ZNF215: variants seen among roughly 807,000 people sequenced by gnomAD.
ZNF215 encodes zinc finger protein 215.
A neutral mutation model predicts 27.2 loss-of-function variants in ZNF215; 24 were observed. That is an observed-to-expected ratio of 0.88 (90% CI 0.64 to 1.24). ZNF215 has a LOEUF of 1.24. Among genes scored for constraint, ZNF215 ranks in the 50% most tolerant of loss-of-function variants. The pLI is 0.00. For missense variants in ZNF215, 675 were observed against 605.7 expected (o/e 1.11, Z -1.20); for synonymous variants, 210 against 204.0 (o/e 1.03, Z -0.25).
intron 5 of ZNF215, among the ~76,000 whole-genome samples, chr11:6,963,934 C>T (rs184188601): frequency 7.1e-4 from 108 of 152,096 alleles, no homozygotes; most frequent in Middle Eastern, 3.4e-3. Flanking sequence ...AGATTTACAC[C>T]ACAGAAACAA....
chr11:6,981,337 G>A (rs1400948268), intron 5 of ZNF215, among the ~76,000 whole-genome samples: 2 of 150,788 alleles, frequency 1.3e-5, no homozygotes, highest in Non-Finnish European at 3.0e-5. Context: ...TTGTGGTTTT[G>A]ATTTGCATTT....
chr11:6,937,757 G>A (rs936194983), intron 3 of ZNF215, among the ~76,000 whole-genome samples: 1 of 151,822 alleles, frequency 6.6e-6, no homozygotes, highest in Non-Finnish European at 1.5e-5. Context: ...GAAAATAATA[G>A]TTTTTCAACA....
intron 2 of ZNF215, among the ~76,000 whole-genome samples, chr11:6,928,981 T>C (rs1319424327): frequency 6.6e-6 from 1 of 152,158 alleles, no homozygotes; most frequent in Non-Finnish European, 1.5e-5. Flanking sequence ...GATGGTCTTT[T>C]GTTATGAGTT....
At chr11:6,989,286 A>G (rs1377919029), downstream of ZNF215, among the ~76,000 whole-genome samples, 1 of 152,194 alleles carries the variant, frequency 6.6e-6, no homozygotes, top group Non-Finnish European at 1.5e-5. Flanking sequence ...GTCTGATCAA[A>G]CATCCCACTT....
downstream of ZNF215, among the ~76,000 whole-genome samples, chr11:6,990,367 A>G (rs1021634268): frequency 6.6e-6 from 1 of 152,234 alleles, no homozygotes; most frequent in South Asian, 2.1e-4. Context: ...CTGTTAAAGT[A>G]TTATACACAG....
At chr11:6,954,087 C>T (rs1850210248) in intron 6 of ZNF215, among the ~76,000 whole-genome samples, 1 of 152,160 alleles carries the variant, frequency 6.6e-6, no homozygotes, top group African/African-American at 2.4e-5. Context: ...CTGATCGTTT[C>T]TCTGGAAGTT....
chr11:6,954,508 A>C (rs1479429902), intron 6 of ZNF215, among the ~76,000 whole-genome samples: 1 of 152,228 alleles, frequency 6.6e-6, no homozygotes, highest in Admixed American at 6.5e-5. Context: ...GCTAGCAGTC[A>C]GGGAGACTCC....
rs1223876278 is a variant in ZNF215, at chr11:6,943,526, T to C, written c.617-20T>C. On this transcript the variant is annotated intron_variant, in intron 5 of 6. Transcript: ENST00000278319. ...ATATATGTTTGTTGTTGTTGTTCTT[T>C]TTATTTTCTCCATGAACAGCACATC... The C allele has an allele frequency of 6.2e-7, 1 of 1,600,220 alleles. No individual in the cohort carries two copies. Among genetic ancestry groups the C allele is most frequent in the Non-Finnish European group, 8.5e-7 (1 of 1,169,938 alleles).
chr11:6,979,308 A>G (rs755959637), intron 5 of ZNF215, among the ~76,000 whole-genome samples: 1 of 128,472 alleles, frequency 7.8e-6, no homozygotes, highest in African/African-American at 3.0e-5. Flanking sequence ...AAATTTTACA[A>G]TTTGCTTATT....
At chr11:6,984,436 C>G (rs1851021736) in exon 6 of ZNF215, 2 of 153,762 alleles carry the variant, frequency 1.3e-5, no homozygotes, top group Non-Finnish European at 2.9e-5. Context: ...ATGTGTATAT[C>G]ACCTCATTTA....
At chr11:6,993,930 C>T (rs928786511), downstream of ZNF215, among the ~76,000 whole-genome samples, 35 of 152,168 alleles carry the variant, frequency 2.3e-4, no homozygotes, top group African/African-American at 8.4e-4. Context: ...CTTGTTTTAG[C>T]TCTTCTACCA....
rs193032486 is a variant in ZNF215 at position 6,938,587 on chromosome 11, A to G, written c.401-2984A>G. ...ATTATTCTGCCATAAAAAAGAATGAAGTACTGATACATGTTAAAAAAAAAA... is the reference window on the plus strand; with the variant it reads ...ATTATTCTGCCATAAAAAAGAATGAGGTACTGATACATGTTAAAAAAAAAA... On this transcript the variant is annotated intron_variant, in intron 3 of 6. Transcript: ENST00000278319. 4.1e-3 allele frequency among the ~76,000 whole-genome samples: 600 copies of G among 145,156 alleles called. 2 individuals carry two copies. Among genetic ancestry groups the G allele is most frequent in the Non-Finnish European group, 6.6e-3 (435 of 66,354 alleles).
At chr11:6,934,033 A>C (rs1849356190) in intron 3 of ZNF215, among the ~76,000 whole-genome samples, 2 of 152,160 alleles carry the variant, frequency 1.3e-5, no homozygotes, top group Admixed American at 6.5e-5. Context: ...ACATGAGGCC[A>C]TGAACTGGAT....
chr11:6,969,551 A>G (rs1402425307), intron 5 of ZNF215, among the ~76,000 whole-genome samples: 1 of 151,092 alleles, frequency 6.6e-6, no homozygotes, highest in Non-Finnish European at 1.5e-5. Context: ...TAAATGTTTA[A>G]TTAAACATAA....
At chr11:6,959,863 T>C (rs1317118469), downstream of ZNF215, among the ~76,000 whole-genome samples, 1 of 152,164 alleles carries the variant, frequency 6.6e-6, no homozygotes, top group African/African-American at 2.4e-5. Flanking sequence ...TGTGAGACAA[T>C]TGTTTATAAC....
chr11:6,993,609 G>T (rs1322481103), downstream of ZNF215, among the ~76,000 whole-genome samples: 1 of 151,956 alleles, frequency 6.6e-6, no homozygotes, highest in Non-Finnish European at 1.5e-5. Context: ...ACATTTTTAT[G>T]ACTATGCCAT....
chr11:6,987,330 T>C (rs183526886), downstream of ZNF215, among the ~76,000 whole-genome samples: 1 of 151,980 alleles, frequency 6.6e-6, no homozygotes, highest in Admixed American at 6.5e-5. Flanking sequence ...TGGGTACACA[T>C]GATCATAAAA....
At chr11:6,981,572 T>A (rs1252470994) in intron 5 of ZNF215, among the ~76,000 whole-genome samples, 4 of 152,062 alleles carry the variant, frequency 2.6e-5, no homozygotes, top group Admixed American at 6.6e-5. Context: ...CTGTTCACTC[T>A]GATGGTAGTT....
intron 6 of ZNF215, among the ~76,000 whole-genome samples, chr11:6,951,117 C>G (rs1255471016): frequency 1.3e-5 from 2 of 152,196 alleles, no homozygotes; most frequent in Admixed American, 6.5e-5. Flanking sequence ...TTTTCATGTG[C>G]TGCTGGATTT....
Sources: allele counts gnomAD v4.1 joint callset (sites outside exome capture counted in the v4.1 genomes callset), GRCh38; gene constraint gnomAD v4.1.1; transcripts MANE v1.5; gene names NCBI Gene and HGNC (gene_info 2026-07-23, HGNC 2026-07-21).